The following SLC25A37 variants were observed in gnomAD, a reference collection of about 807,000 sequenced individuals.
SLC25A37 encodes the protein solute carrier family 25 member 37, also known as mitoferrin-1.
In SLC25A37, 17 loss-of-function variants were observed where a neutral mutation model predicts 31.0. That is an observed-to-expected ratio of 0.55 (90% CI 0.38 to 0.82). The LOEUF is 0.82. Ranked by LOEUF, SLC25A37 falls within the 40% of genes least tolerant of loss-of-function variation. The probability of loss-of-function intolerance (pLI) is 0.00; values close to 1 mark genes in which losing one functional copy is unlikely to be tolerated. For synonymous variants in SLC25A37, 222 were observed against 193.0 expected (o/e 1.15, Z -1.24); for missense variants, 404 against 465.8 (o/e 0.87, Z 1.22).
intron 1 of SLC25A37, among the ~76,000 whole-genome samples, chr8:23,553,034 T>C (rs1802269767): frequency 6.6e-6 from 1 of 152,202 alleles, no homozygotes; most frequent in Non-Finnish European, 1.5e-5. Flanking sequence ...TGGGTTGATG[T>C]GCATGTACGG....
At chr8:23,556,913 C>G (rs1287347050) in intron 1 of SLC25A37, among the ~76,000 whole-genome samples, 2 of 151,960 alleles carry the variant, frequency 1.3e-5, no homozygotes, top group South Asian at 4.2e-4. Flanking sequence ...TGCAATGGTG[C>G]GATCTTGGCT....
intron 1 of SLC25A37, among the ~76,000 whole-genome samples, chr8:23,557,775 A>T (rs977464163): frequency 6.6e-6 from 1 of 152,178 alleles, no homozygotes; most frequent in Non-Finnish European, 1.5e-5. Context: ...TATTTAGTGA[A>T]TGTCAGTGCT....
At chr8:23,545,103 G>C (rs1468040973) in intron 1 of SLC25A37, among the ~76,000 whole-genome samples, 2 of 152,230 alleles carry the variant, frequency 1.3e-5, no homozygotes, top group South Asian at 4.1e-4. Flanking sequence ...CAGGTTTAGG[G>C]TTTGCCTGAG....
In SLC25A37 at chr8:23,573,965, A is replaced by G; in HGVS notation, c.*2110A>G. Reference sequence around the variant, plus strand: ...GTGTTAAATGGTGTTAAATTCTGCAAATGGAGGGGAAAAAAATCAAATTCT... The same window carrying G: ...GTGTTAAATGGTGTTAAATTCTGCAGATGGAGGGGAAAAAAATCAAATTCT... On this transcript the variant is annotated 3_prime_UTR_variant, in exon 4 of 4. Coordinates refer to ENST00000519973, the MANE Select transcript of SLC25A37 (RefSeq NM_016612.4). The G allele has an allele frequency of 2.8e-6, 1 of 363,478 alleles. No homozygotes were observed. The highest frequency in any genetic ancestry group is 1.9e-5 in the South Asian group (1 of 52,068). The allele number at this position is 363,478 out of a possible 1,614,324, so 22.5% of individuals were successfully genotyped here.
chr8:23,553,042 C>T (rs985214036), intron 1 of SLC25A37, among the ~76,000 whole-genome samples: 1 of 152,006 alleles, frequency 6.6e-6, no homozygotes, highest in South Asian at 2.1e-4. Context: ...TGTGCATGTA[C>T]GGTGCTTTGA....
At chr8:23,533,144 C>G (rs1387204539) in intron 1 of SLC25A37, among the ~76,000 whole-genome samples, 1 of 152,100 alleles carries the variant, frequency 6.6e-6, no homozygotes, top group East Asian at 1.9e-4. Context: ...CAGTCCTGTT[C>G]CTTGTTTCAT....
At chr8:23,556,827 G>C (rs1802379239) in intron 1 of SLC25A37, among the ~76,000 whole-genome samples, 1 of 151,996 alleles carries the variant, frequency 6.6e-6, no homozygotes, top group Admixed American at 6.6e-5. Context: ...TGGGAATGAT[G>C]CTGAGTGATG....
At chr8:23,560,168 T>G (rs982731665) in intron 1 of SLC25A37, among the ~76,000 whole-genome samples, 3 of 152,160 alleles carry the variant, frequency 2.0e-5, no homozygotes, top group African/African-American at 7.2e-5. Flanking sequence ...CTCAGGAGGC[T>G]GAGGTGGGAG....
At chr8:23,569,402 T>TACACACACACACACACACACACAC (rs10608830) in intron 3 of SLC25A37, among the ~76,000 whole-genome samples, 139 of 150,252 alleles carry the variant, frequency 9.3e-4, no homozygotes, top group African/African-American at 2.4e-3. Context: ...TATGTGTGCA[T>TACACACACACACACACACACACAC]ACACACACAC....
At chr8:23,538,146 C>G (rs1042491779) in intron 1 of SLC25A37, among the ~76,000 whole-genome samples, 1 of 151,320 alleles carries the variant, frequency 6.6e-6, no homozygotes, top group Admixed American at 6.6e-5. Flanking sequence ...TTTGGGAGGC[C>G]GAGGCGGGCA....
chr8:23,565,765 G>T (rs1213606486), intron 1 of SLC25A37, among the ~76,000 whole-genome samples: 1 of 152,220 alleles, frequency 6.6e-6, no homozygotes, highest in Non-Finnish European at 1.5e-5. Flanking sequence ...TGTTTGGTTT[G>T]CTGCTTGCAA....
intron 1 of SLC25A37, among the ~76,000 whole-genome samples, chr8:23,534,887 TCTC>T (rs1404396725): frequency 6.6e-6 from 1 of 152,170 alleles, no homozygotes; most frequent in Non-Finnish European, 1.5e-5. Context: ...CATCACTTTC[TCTC>T]ATTCCCTGAG....
intron 2 of SLC25A37, chr8:23,567,288 G>A (rs1229570271): frequency 1.3e-5 from 2 of 152,126 alleles, no homozygotes; most frequent in African/African-American, 4.8e-5. Context: ...CTGGTTTGCA[G>A]ATATTTGTTC....
intron 1 of SLC25A37, among the ~76,000 whole-genome samples, chr8:23,555,814 C>A (rs1158838581): frequency 6.6e-6 from 1 of 152,238 alleles, no homozygotes; most frequent in Non-Finnish European, 1.5e-5. Context: ...TGTTCTCACA[C>A]ATATGAATCC....
intron 1 of SLC25A37, among the ~76,000 whole-genome samples, chr8:23,531,338 C>T (rs1801657151): frequency 6.6e-6 from 1 of 152,250 alleles, no homozygotes; most frequent in African/African-American, 2.4e-5. Context: ...CCGGGAGTAA[C>T]TGAGTCAAGA....
At chr8:23,541,679 G>A (rs995738339) in intron 1 of SLC25A37, 2 of 152,406 alleles carry the variant, frequency 1.3e-5, no homozygotes, top group South Asian at 2.1e-4. Context: ...TCTGACTCAC[G>A]GCACGTCCTT....
At chr8:23,569,136 T>TGC (rs947152151) in intron 3 of SLC25A37, among the ~76,000 whole-genome samples, 3 of 152,012 alleles carry the variant, frequency 2.0e-5, no homozygotes, top group African/African-American at 7.3e-5. Flanking sequence ...TGGTGGTGCA[T>TGC]GCCTGTAGTC....
chr8:23,531,075 T>C (rs1801652403), intron 1 of SLC25A37, among the ~76,000 whole-genome samples: 1 of 152,186 alleles, frequency 6.6e-6, no homozygotes, highest in East Asian at 1.9e-4. Context: ...CCTAGACAAG[T>C]CTGTAAAACA....
At position 23,529,693 on chromosome 8, in the gene SLC25A37, C is replaced by T. The variant is rs1801625811; in HGVS notation, c.210+481C>T. On this transcript the variant is annotated intron_variant, in intron 1 of 3. Coordinates refer to ENST00000519973, the MANE Select transcript of SLC25A37 (RefSeq NM_016612.4). This position sits in a 1 kb window ranked among gnomAD's most constrained non-coding sequence, Gnocchi z 4.1. ...TGGCCCTGGCCCGGCCGCGCGCCCT[C>T]GGGACTTGGTGTGTGGCTGCTGCTC... Among the ~76,000 whole-genome samples, 1 of 152,198 alleles carries T rather than the reference C, an allele frequency of 6.6e-6. No homozygotes were observed. The highest frequency in any genetic ancestry group is 6.5e-5 in the Admixed American group (1 of 15,284).
Sources: allele counts gnomAD v4.1 joint callset (sites outside exome capture counted in the v4.1 genomes callset), GRCh38; gene constraint gnomAD v4.1.1; non-coding constraint Gnocchi (gnomAD v3.1); transcripts MANE v1.5; gene names NCBI Gene and HGNC (gene_info 2026-07-23, HGNC 2026-07-21).